ACER1: variants seen among roughly 807,000 people sequenced by gnomAD.
The protein encoded by ACER1 is alkaline ceramidase 1, also known as CTB-180A7.3.
A neutral mutation model predicts 24.9 loss-of-function variants in ACER1; 28 were observed. That is an observed-to-expected ratio of 1.13 (90% CI 0.83 to 1.54). ACER1 has a LOEUF of 1.54. Ranked by LOEUF, ACER1 falls within the 40% of genes most tolerant of loss-of-function variation. The pLI is 0.00. For synonymous variants in ACER1, 132 were observed against 131.4 expected, an observed-to-expected ratio of 1.00 and a Z score of -0.03; for missense variants, 352 against 349.3, an observed-to-expected ratio of 1.01 and a Z score of -0.06.
intron 2 of ACER1, 42 bp downstream of exon 2, chr19:6,312,343 A>C (rs1340142730): frequency 6.2e-7 from 1 of 1,613,748 alleles, no homozygotes; most frequent in Non-Finnish European, 8.5e-7. Flanking sequence ...CTAAACCCCC[A>C]CTGCCTCCCG....
the ACER1 span, among the ~76,000 whole-genome samples, chr19:6,352,727 G>A: frequency 6.6e-6 from 1 of 152,180 alleles, no homozygotes; most frequent in Non-Finnish European, 1.5e-5. Flanking sequence ...GAAATTTGGT[G>A]TCAACTTTGT....
chr19:6,324,912 G>GAAGGAAGGA (rs1318452582), intron 1 of ACER1, among the ~76,000 whole-genome samples: 1 of 122,004 alleles, frequency 8.2e-6, no homozygotes, highest in East Asian at 2.6e-4. Context: ...AGGAAGGAAG[G>GAAGGAAGGA]AGGAAGGAAG....
intron 1 of ACER1, among the ~76,000 whole-genome samples, chr19:6,320,873 T>C (rs2091626886): frequency 6.6e-6 from 1 of 152,130 alleles, no homozygotes; most frequent in African/African-American, 2.4e-5. Flanking sequence ...ATGAAATGAA[T>C]AAATACCTAA....
At chr19:6,350,105 TGG>T in the ACER1 span, among the ~76,000 whole-genome samples, 2 of 151,474 alleles carry the variant, frequency 1.3e-5, no homozygotes, top group Non-Finnish European at 2.9e-5. Flanking sequence ...CACTCCAGCC[TGG>T]GTGACAAAGT....
At chr19:6,337,381 A>AT (rs1568315414), upstream of ACER1, among the ~76,000 whole-genome samples, 1 of 151,740 alleles carries the variant, frequency 6.6e-6, no homozygotes, top group Non-Finnish European at 1.5e-5. Flanking sequence ...CATTGTATTT[A>AT]TTTTTTGATA....
intron 1 of ACER1, among the ~76,000 whole-genome samples, chr19:6,318,207 C>T (rs1315607340): frequency 1.4e-4 from 22 of 151,966 alleles, no homozygotes; most frequent in South Asian, 6.2e-4. Context: ...TTACAGCTCA[C>T]GCCTGTAATC....
At chr19:6,339,101 T>C in the ACER1 span, among the ~76,000 whole-genome samples, 1 of 151,688 alleles carries the variant, frequency 6.6e-6, no homozygotes, top group African/African-American at 2.4e-5. Context: ...GGTTTGGAAC[T>C]CCTGACCTCA....
At chr19:6,314,402 A>G (rs9304932) in intron 1 of ACER1, among the ~76,000 whole-genome samples, 46,192 of 150,388 alleles carry the variant, frequency 0.31, 8,471 homozygotes, top group African/African-American at 0.51. Context: ...CTCAGGAGGC[A>G]GAGGTGGTAG....
At position 6,333,555 on chromosome 19, in the gene ACER1, G is replaced by T. The variant is rs1335544558; in HGVS notation, c.-4C>A. The T allele has an allele frequency of 2.5e-6, 4 of 1,575,078 alleles. No homozygotes were observed. Among genetic ancestry groups the T allele is most frequent in the Non-Finnish European group, 3.5e-6 (4 of 1,159,050 alleles). ...GATAGGCGAAGATGCTAGGCATCTT[G>T]TCTCAGTGGCCACCACCAGCCGGCT... On this transcript the variant is annotated 5_prime_UTR_variant, in exon 1 of 6. Transcript: ENST00000301452.
chr19:6,355,684 G>A, the ACER1 span, among the ~76,000 whole-genome samples: 9 of 127,024 alleles, frequency 7.1e-5, no homozygotes, highest in East Asian at 2.2e-4. Flanking sequence ...GCCTCTGCCC[G>A]GCCACCCCTA....
the ACER1 span, among the ~76,000 whole-genome samples, chr19:6,346,997 C>T: frequency 6.7e-6 from 1 of 149,988 alleles, no homozygotes; most frequent in Non-Finnish European, 1.5e-5. Context: ...CATGGTGACT[C>T]ACATCTATAA....
chr19:6,355,168 T>A, the ACER1 span, among the ~76,000 whole-genome samples: 221 of 151,906 alleles, frequency 1.5e-3, 1 homozygote, highest in Admixed American at 3.9e-3. Flanking sequence ...GATCTCGGCT[T>A]GCTACAACCT....
the ACER1 span, among the ~76,000 whole-genome samples, chr19:6,355,067 C>T: frequency 1.3e-5 from 2 of 152,102 alleles, no homozygotes; most frequent in Non-Finnish European, 2.9e-5. Flanking sequence ...GCGAGTGATC[C>T]GCCAGCCTCG....
At chr19:6,355,759 G>T in the ACER1 span, among the ~76,000 whole-genome samples, 3 of 141,878 alleles carry the variant, frequency 2.1e-5, no homozygotes, top group Non-Finnish European at 3.0e-5. Context: ...GGGGGGGTCA[G>T]CCCCCCACCC....
chr19:6,352,279 G>A, the ACER1 span, among the ~76,000 whole-genome samples: 84 of 152,180 alleles, frequency 5.5e-4, no homozygotes, highest in South Asian at 0.017. Context: ...ATGGAATGTG[G>A]CAGAAGAGCT....
At position 6,306,753 on chromosome 19, in the gene ACER1, C is replaced by A; in HGVS notation, c.756G>T (p.Leu252=). The A allele has an allele frequency of 1.9e-6, 3 of 1,613,612 alleles. No individual in the cohort carries two copies. Among genetic ancestry groups the A allele is most frequent in the South Asian group, 2.2e-5 (2 of 91,018 alleles). Residue 252 remains leucine, a synonymous_variant, in exon 6 of 6, where the codon CTG becomes CTT. Coordinates refer to ENST00000301452, the MANE Select transcript of ACER1 (RefSeq NM_133492.3). ...CATCACCCCGGATTTCCACGTAGGGCAGCCCCACGGGCCAACTGTCCCGAG... is the reference window on the plus strand; with the variant it reads ...CATCACCCCGGATTTCCACGTAGGGAAGCCCCACGGGCCAACTGTCCCGAG... ...YWPRDSWPVG[L]PYVEIRGDDK... is the part of the protein sequence containing the mutation.
upstream of ACER1, among the ~76,000 whole-genome samples, chr19:6,338,227 A>G (rs1488951870): frequency 6.6e-6 from 1 of 152,200 alleles, no homozygotes. Flanking sequence ...CCTGGGCTCA[A>G]GCAATCTTCT....
rs2091554846 is a variant in ACER1, at chr19:6,306,849, G to A, written c.660C>T (p.Gly220=). The change falls in exon 6 of 6, where the codon GGC becomes GGT. Residue 220 remains glycine, a synonymous_variant. Transcript: ENST00000301452. ...CATCCACCAAGGCCATGGTGACCATGCCATAAGGGAAGGTGATGCTGATGA... is the reference window on the plus strand; with the variant it reads ...CATCCACCAAGGCCATGGTGACCATACCATAAGGGAAGGTGATGCTGATGA... ...HVLISITFPY[G]MVTMALVDAN... 5 of 1,614,054 alleles carry A rather than the reference G, an allele frequency of 3.1e-6. No individual in the cohort carries two copies. The African/African-American group carries it at 4.0e-5, about 13-fold the overall frequency.
At chr19:6,324,353 T>C (rs921855906) in intron 1 of ACER1, among the ~76,000 whole-genome samples, 2 of 149,990 alleles carry the variant, frequency 1.3e-5, no homozygotes, top group African/African-American at 4.9e-5. Context: ...CTCTTTTTAA[T>C]TTTTTTTTAG....
Sources: gnomAD v4.1 joint callset for allele counts (sites outside exome capture counted in the v4.1 genomes callset) on GRCh38, gnomAD v4.1.1 for gene constraint, MANE v1.5 for transcripts, NCBI Gene and HGNC (gene_info 2026-07-23, HGNC 2026-07-21) for gene names.